TSNAX: variants seen among roughly 807,000 people sequenced by gnomAD.
The protein encoded by TSNAX is translin associated factor X.
A neutral mutation model predicts 33.0 loss-of-function variants in TSNAX; 12 were observed. The ratio of observed to expected loss-of-function variants is 0.36; its 90% confidence interval spans 0.23 to 0.59. The LOEUF (loss-of-function observed/expected upper bound fraction) is 0.59. Ranked by LOEUF, TSNAX falls within the 20% of genes least tolerant of loss-of-function variation. The pLI is 0.74. For missense variants in TSNAX, 267 were observed against 341.3 expected (o/e 0.78, Z 1.72); for synonymous variants, 110 against 117.2 (o/e 0.94, Z 0.40).
At position 231,565,047 on chromosome 1, in the gene TSNAX, G is replaced by A; in HGVS notation, c.*142G>A. 1 of 1,057,374 alleles carries A rather than the reference G, an allele frequency of 9.5e-7. No homozygotes were observed. The highest frequency in any genetic ancestry group is 2.6e-5 in the East Asian group (1 of 38,316). 65.5% of individuals were successfully genotyped at this position (1,057,374 alleles called of 1,614,324 possible). A position where few individuals can be genotyped will look rare whatever the true frequency, so the allele number is the denominator to read the frequency against. The stretch of plus-strand genomic sequence containing the variant: ...TGTACTTGTTTTAAATTGTATACAA[G>A]CTGTACATAAAATTAGCCAAATGAA... On this transcript the variant is annotated 3_prime_UTR_variant, in exon 6 of 6. Transcript: ENST00000366639.
chr1:231,542,733 T>G, intron 4 of TSNAX, 122 bp downstream of exon 4: 1 of 1,196,850 alleles, frequency 8.4e-7, no homozygotes, highest in Non-Finnish European at 1.2e-6. Context: ...TTTAAAGAAC[T>G]GCAACTTTGT....
rs1658432434 is a variant in TSNAX, at chr1:231,528,754, A to G, written c.-57A>G. The G allele has an allele frequency of 5.0e-6, 8 of 1,611,212 alleles. No individual in the cohort carries two copies. The South Asian group carries it at 7.7e-5, about 16-fold the overall frequency. The stretch of plus-strand genomic sequence containing the variant: ...GGTTCCCTCGGCCTGTACCTCGCGC[A>G]CTCCTCTTGCTCCAGGTCCTTCAGT... On this transcript the variant is annotated 5_prime_UTR_variant, in exon 1 of 6. Transcript: ENST00000366639.
In TSNAX at chr1:231,563,059, A is replaced by G. The variant is rs114108648; in HGVS notation, c.496-1469A>G. Among the ~76,000 whole-genome samples, 1,025 of 152,320 alleles carry G rather than the reference A, an allele frequency of 6.7e-3. 9 individuals are homozygous for G. Among genetic ancestry groups the G allele is most frequent in the Non-Finnish European group, 0.012 (794 of 68,012 alleles). ...AGGATTCAAGTATTAGATACATAGC[A>G]AAGAGTGATCTTAATAAAGCTGTCT... On this transcript the variant is annotated intron_variant, in intron 5 of 5. Coordinates refer to ENST00000366639, the MANE Select transcript of TSNAX (RefSeq NM_005999.3).
chr1:231,531,918 G>A (rs1658743028), intron 2 of TSNAX, among the ~76,000 whole-genome samples: 1 of 151,810 alleles, frequency 6.6e-6, no homozygotes, highest in South Asian at 2.1e-4. Flanking sequence ...AATTAGCTGG[G>A]CATGACAGCA....
Position 231,531,093 on chromosome 1 carries a change from G to A in TSNAX, c.121+1734G>A, listed in dbSNP as rs191481408. Among the ~76,000 whole-genome samples, 8 of 151,974 alleles carry A rather than the reference G, an allele frequency of 5.3e-5. No homozygotes were observed. In the East Asian group the frequency reaches 1.4e-3, roughly 26 times the overall value. The stretch of plus-strand genomic sequence containing the variant: ...CCTACCTCAGCCTCCTGAGTAGCTG[G>A]GACTACAGGCGTGTGTCACCATGCC... On this transcript the variant is annotated intron_variant, in intron 2 of 5. Coordinates refer to ENST00000366639, the MANE Select transcript of TSNAX (RefSeq NM_005999.3).
At chr1:231,557,442 T>C (rs763182081) in intron 4 of TSNAX, among the ~76,000 whole-genome samples, 2 of 152,196 alleles carry the variant, frequency 1.3e-5, no homozygotes, top group Non-Finnish European at 1.5e-5. Flanking sequence ...TTATTTATTA[T>C]GGTAATCTTA....
At chr1:231,560,485 G>T (rs1661028826) in intron 4 of TSNAX, among the ~76,000 whole-genome samples, 1 of 127,910 alleles carries the variant, frequency 7.8e-6, no homozygotes, top group Non-Finnish European at 1.5e-5. Flanking sequence ...TGCGGTCTTG[G>T]CTCACTGCAA....
chr1:231,559,987 T>TA (rs201805764), intron 4 of TSNAX, among the ~76,000 whole-genome samples: 123 of 140,380 alleles, frequency 8.8e-4, no homozygotes, highest in African/African-American at 2.6e-3. Context: ...TTATTATTAT[T>TA]TTTTTTTTTT....
At chr1:231,530,866 C>T (rs1658656329) in intron 2 of TSNAX, among the ~76,000 whole-genome samples, 1 of 151,626 alleles carries the variant, frequency 6.6e-6, no homozygotes, top group South Asian at 2.1e-4. Context: ...CCAGCCCCGG[C>T]GACAGAATGA....
At chr1:231,550,131 C>T (rs1222387208) in intron 4 of TSNAX, among the ~76,000 whole-genome samples, 1 of 152,230 alleles carries the variant, frequency 6.6e-6, no homozygotes, top group Non-Finnish European at 1.5e-5. Context: ...TTAATCCCCT[C>T]TTTAAAGACC....
intron 2 of TSNAX, among the ~76,000 whole-genome samples, chr1:231,533,396 C>G (rs367555122): frequency 8.5e-5 from 13 of 152,274 alleles, no homozygotes; most frequent in African/African-American, 2.6e-4. Flanking sequence ...CCATCGCGCC[C>G]GGCCCGGAAA....
At position 231,565,819 on chromosome 1, in the gene TSNAX, A is replaced by G. The variant is rs1321157563; in HGVS notation, c.*914A>G. On this transcript the variant is annotated 3_prime_UTR_variant, in exon 6 of 6. Transcript: ENST00000366639. Reference sequence around the variant, plus strand: ...TGATTTTAAGCCATTTAAAATTTATATAAAACAACCTTCCATAAAAATTTG... The same window carrying G: ...TGATTTTAAGCCATTTAAAATTTATGTAAAACAACCTTCCATAAAAATTTG... The G allele has an allele frequency of 6.6e-6, 1 of 152,230 alleles. No individual in the cohort carries two copies. The highest frequency in any genetic ancestry group is 1.5e-5 in the Non-Finnish European group (1 of 68,038). The allele number at this position is 152,230 out of a possible 1,614,324, so 9.4% of individuals were successfully genotyped here.
intron 4 of TSNAX, among the ~76,000 whole-genome samples, chr1:231,551,374 T>C (rs1218552475): frequency 6.6e-6 from 1 of 152,222 alleles, no homozygotes; most frequent in Non-Finnish European, 1.5e-5. Context: ...TATGTTTTAA[T>C]ATTCCATATC....
At chr1:231,552,952 CTG>C (rs1278759532) in intron 4 of TSNAX, among the ~76,000 whole-genome samples, 6 of 152,126 alleles carry the variant, frequency 3.9e-5, no homozygotes, top group African/African-American at 9.7e-5. Context: ...GAATTATAGT[CTG>C]TTTTATGGAT....
chr1:231,551,263 G>A (rs1474731549), intron 4 of TSNAX, among the ~76,000 whole-genome samples: 1 of 152,122 alleles, frequency 6.6e-6, no homozygotes, highest in African/African-American at 2.4e-5. Context: ...CCCCAGATTG[G>A]TCTTAACTTT....
In TSNAX at chr1:231,550,786, A is replaced by G. The variant is rs117139252; in HGVS notation, c.367+8175A>G. 4.6e-3 allele frequency among the ~76,000 whole-genome samples: 697 copies of G among 152,280 alleles called. 25 individuals are homozygous for G. The East Asian group carries it at 0.095, about 21-fold the overall frequency. ...TGGTTGGGGGAATTGGAAGCTGACA[A>G]TGGGGGCAAGCCTGTGTGAATCCCC... is the stretch of plus-strand genomic sequence containing the variant. On this transcript the variant is annotated intron_variant, in intron 4 of 5. Coordinates refer to ENST00000366639, the MANE Select transcript of TSNAX (RefSeq NM_005999.3).
chr1:231,556,247 C>T (rs1450541512), intron 4 of TSNAX, among the ~76,000 whole-genome samples: 1 of 152,082 alleles, frequency 6.6e-6, no homozygotes, highest in African/African-American at 2.4e-5. Context: ...GTAAAATCAA[C>T]TAGGTACAAC....
chr1:231,558,244 C>T (rs1230180274), intron 4 of TSNAX, among the ~76,000 whole-genome samples: 1 of 152,110 alleles, frequency 6.6e-6, no homozygotes, highest in Non-Finnish European at 1.5e-5. Flanking sequence ...CTCTGGAGTA[C>T]AAAAGAAGCT....
chr1:231,556,037 A>G (rs980464554), intron 4 of TSNAX, among the ~76,000 whole-genome samples: 5 of 152,116 alleles, frequency 3.3e-5, no homozygotes, highest in Non-Finnish European at 7.4e-5. Context: ...TTTTAAAACT[A>G]CTCCTGCTTC....
Sources: allele counts gnomAD v4.1 joint callset (sites outside exome capture counted in the v4.1 genomes callset), GRCh38; gene constraint gnomAD v4.1.1; transcripts MANE v1.5; gene names NCBI Gene and HGNC (gene_info 2026-07-23, HGNC 2026-07-21).